Variants in NRCAM observed in about 807,000 individuals in gnomAD.
NRCAM encodes neuronal cell adhesion molecule.
NRCAM carries 83 observed loss-of-function variants against 156.5 expected under a neutral mutation model. That is an observed-to-expected ratio of 0.53 (90% CI 0.44 to 0.64). The LOEUF (loss-of-function observed/expected upper bound fraction) is 0.64. Among genes scored for constraint, NRCAM ranks in the 30% least tolerant of loss-of-function variants. NRCAM has a pLI of 0.00. For synonymous variants in NRCAM, 538 were observed against 563.9 expected (o/e 0.95, Z 0.65); for missense variants, 1,417 against 1,597.3 (o/e 0.89, Z 1.92).
At chr7:108,277,936 T>C (rs2097703031) in intron 3 of NRCAM, among the ~76,000 whole-genome samples, 1 of 152,224 alleles carries the variant, frequency 6.6e-6, no homozygotes, top group Non-Finnish European at 1.5e-5. Context: ...TAGATGTCCT[T>C]TTCATTGATG....
At chr7:108,155,129 C>T (rs1453746444) in intron 32 of NRCAM, among the ~76,000 whole-genome samples, 2 of 147,750 alleles carry the variant, frequency 1.4e-5, no homozygotes, top group Admixed American at 6.8e-5. Flanking sequence ...CACACACACA[C>T]ACACACACAC....
At chr7:108,378,598 T>C (rs531058400) in intron 2 of NRCAM, among the ~76,000 whole-genome samples, 2 of 145,402 alleles carry the variant, frequency 1.4e-5, no homozygotes, top group African/African-American at 2.5e-5. Context: ...CACAAATTCA[T>C]AGACTCAGGA....
At chr7:108,410,129 T>C (rs895343317) in intron 1 of NRCAM, among the ~76,000 whole-genome samples, 1 of 152,232 alleles carries the variant, frequency 6.6e-6, no homozygotes, top group African/African-American at 2.4e-5. Flanking sequence ...TGTATTTTAG[T>C]ACAACTGCTG....
intron 10 of NRCAM, 70 bp downstream of exon 10, chr7:108,225,575 T>C (rs546944135): frequency 2.8e-5 from 25 of 886,610 alleles, no homozygotes; most frequent in Admixed American, 2.2e-4. Flanking sequence ...TAAATAGTCA[T>C]GGAGGTGAAG....
chr7:108,234,529 G>C (rs957584831), intron 6 of NRCAM, 54 bp downstream of exon 6: 2 of 1,084,170 alleles, frequency 1.8e-6, no homozygotes, highest in Admixed American at 1.8e-5. Context: ...TCTCTATTCA[G>C]AGAGATTTCC....
intron 28 of NRCAM, among the ~76,000 whole-genome samples, chr7:108,168,784 C>T (rs528791258): frequency 9.8e-5 from 15 of 152,292 alleles, no homozygotes; most frequent in South Asian, 2.1e-4. Context: ...ATGTCAGAGA[C>T]GCCAAGGTAA....
At chr7:108,307,024 C>G (rs2098725274) in intron 3 of NRCAM, among the ~76,000 whole-genome samples, 1 of 152,188 alleles carries the variant, frequency 6.6e-6, no homozygotes, top group Non-Finnish European at 1.5e-5. Context: ...ATTAGAAGAG[C>G]ATTCCTCCTA....
intron 3 of NRCAM, among the ~76,000 whole-genome samples, chr7:108,245,552 T>C (rs929847105): frequency 6.6e-6 from 1 of 152,162 alleles, no homozygotes; most frequent in African/African-American, 2.4e-5. Flanking sequence ...GCAGTGTGTG[T>C]ACATGGTACA....
chr7:108,163,732 C>T (rs901207339), intron 30 of NRCAM, among the ~76,000 whole-genome samples: 8 of 150,440 alleles, frequency 5.3e-5, no homozygotes, highest in Admixed American at 1.3e-4. Context: ...AGAGGTCAAA[C>T]GGGGGCAGGG....
intron 15 of NRCAM, among the ~76,000 whole-genome samples, chr7:108,195,170 T>C (rs2074265486): frequency 6.6e-6 from 1 of 152,174 alleles, no homozygotes; most frequent in Non-Finnish European, 1.5e-5. Context: ...GGGATGTCCA[T>C]GGCATTGTGA....
chr7:108,417,178 C>T (rs1394225003), intron 1 of NRCAM, among the ~76,000 whole-genome samples: 1 of 152,184 alleles, frequency 6.6e-6, no homozygotes, highest in East Asian at 1.9e-4. Context: ...AAGCTAATAG[C>T]CAACAGTAGC....
chr7:108,378,858 G>C (rs1207137110), intron 2 of NRCAM, among the ~76,000 whole-genome samples: 1 of 151,554 alleles, frequency 6.6e-6, no homozygotes, highest in Non-Finnish European at 1.5e-5. Context: ...AAAGAACGGA[G>C]AAAGACAAAG....
intron 1 of NRCAM, among the ~76,000 whole-genome samples, chr7:108,445,251 A>G (rs773811739): frequency 2.0e-5 from 3 of 152,260 alleles, no homozygotes; most frequent in Non-Finnish European, 4.4e-5. Flanking sequence ...AGAAGGACAC[A>G]CTGCCGACAG....
chr7:108,184,376 A>G (rs756697242), intron 21 of NRCAM, 41 bp downstream of exon 21: 1 of 1,613,406 alleles, frequency 6.2e-7, no homozygotes, highest in East Asian at 2.2e-5. Context: ...AAACTTTTTT[A>G]TTATATTTCG....
At chr7:108,197,744 A>G (rs1355014582) in intron 14 of NRCAM, among the ~76,000 whole-genome samples, 1 of 152,212 alleles carries the variant, frequency 6.6e-6, no homozygotes, top group Non-Finnish European at 1.5e-5. Context: ...TAGTTCTACA[A>G]TGAAGAATTT....
chr7:108,189,043 A>T (rs1198178365), intron 20 of NRCAM, among the ~76,000 whole-genome samples: 1 of 117,730 alleles, frequency 8.5e-6, no homozygotes, highest in African/African-American at 2.8e-5. Context: ...CTCTTCTAGT[A>T]TCCTTATGAC....
At chr7:108,216,344 A>G (rs2088850275) in intron 11 of NRCAM, among the ~76,000 whole-genome samples, 1 of 151,772 alleles carries the variant, frequency 6.6e-6, no homozygotes, top group Non-Finnish European at 1.5e-5. Context: ...TGTCCTTAAC[A>G]TTTTTTCCTT....
chr7:108,406,398 G>A (rs1474145340), intron 1 of NRCAM, among the ~76,000 whole-genome samples: 1 of 152,144 alleles, frequency 6.6e-6, no homozygotes, highest in East Asian at 1.9e-4. Flanking sequence ...GTAAAGGGTT[G>A]GGAATAGGAT....
intron 3 of NRCAM, among the ~76,000 whole-genome samples, chr7:108,300,054 G>T (rs1402894160): frequency 6.6e-6 from 1 of 150,814 alleles, no homozygotes; most frequent in African/African-American, 2.4e-5. Context: ...TTTTACTACA[G>T]TAGAACATAT....
Sources: gnomAD v4.1 joint callset for allele counts (sites outside exome capture counted in the v4.1 genomes callset) on GRCh38, gnomAD v4.1.1 for gene constraint, MANE v1.5 for transcripts, NCBI Gene and HGNC (gene_info 2026-07-23, HGNC 2026-07-21) for gene names.